TTC6: variants seen among roughly 807,000 people sequenced by gnomAD.
The protein encoded by TTC6 is tetratricopeptide repeat domain 6, also known as tetratricopeptide repeat protein 6.
TTC6 carries 172 observed loss-of-function variants against 210.4 expected under a neutral mutation model. The observed-to-expected ratio is 0.82, with a 90% CI of 0.72 to 0.93. The LOEUF (loss-of-function observed/expected upper bound fraction) is 0.93, where lower values mean the gene tolerates loss of function less well. Ranked by LOEUF, TTC6 falls within the 40% of genes least tolerant of loss-of-function variation. The pLI, the probability that TTC6 is intolerant of heterozygous loss-of-function variation, is 0.00. For missense variants in TTC6, 2,414 were observed against 2,318.1 expected (o/e 1.04, Z -0.85); for synonymous variants, 804 against 819.6 (o/e 0.98, Z 0.32).
At chr14:37,751,000 C>T in intron 12 of TTC6, 53 bp from the exon 15 acceptor site, 3 of 1,226,050 alleles carry the variant, frequency 2.4e-6, no homozygotes, top group Non-Finnish European at 3.2e-6. Context: ...TTAAAATTTT[C>T]ATAGGAATGA....
chr14:37,668,585 C>T (rs2095752637), intron 1 of TTC6, among the ~76,000 whole-genome samples: 1 of 135,534 alleles, frequency 7.4e-6, no homozygotes, highest in Admixed American at 7.1e-5. Flanking sequence ...CGCATCGTTA[C>T]TTTTGGCCCA....
chr14:37,732,082 T>A (rs2095887701), intron 7 of TTC6, among the ~76,000 whole-genome samples: 1 of 151,830 alleles, frequency 6.6e-6, no homozygotes, highest in Non-Finnish European at 1.5e-5. Context: ...TCCAAAAACT[T>A]AACTACAAAT....
chr14:37,789,010 A>G (rs1302138840), intron 15 of TTC6, among the ~76,000 whole-genome samples: 3 of 152,128 alleles, frequency 2.0e-5, no homozygotes, highest in Non-Finnish European at 4.4e-5. Flanking sequence ...CAATAATTGA[A>G]CAAAATTCCT....
rs773986576 is a variant in TTC6 at position 37,796,957 on chromosome 14, C to T, written c.4029+10C>T. On this transcript the variant is annotated intron_variant, in intron 20 of 30. Transcript: ENST00000553443. ...GGCCAAGAGAACCAAGGTGAAAAGT[C>T]CTCTGAGTAATGTTTACTAAACCTA... 1.3e-6 allele frequency: 2 copies of T among 1,582,938 alleles called. No homozygotes were observed. Among genetic ancestry groups the T allele is most frequent in the Non-Finnish European group, 1.7e-6 (2 of 1,166,244 alleles).
intron 29 of TTC6, among the ~76,000 whole-genome samples, chr14:37,830,748 A>G (rs1333780124): frequency 1.9e-5 from 1 of 51,504 alleles, no homozygotes; most frequent in Non-Finnish European, 1.3e-4. Flanking sequence ...TTTCTAAAAT[A>G]GATTTTTTTA....
At chr14:37,732,767 G>T (rs776311762) in intron 7 of TTC6, among the ~76,000 whole-genome samples, 1 of 140,314 alleles carries the variant, frequency 7.1e-6, no homozygotes, top group African/African-American at 2.5e-5. Flanking sequence ...ACAGGCGCCC[G>T]CCACCACGCC....
upstream of TTC6, chr14:37,622,012 C>T: frequency 1.5e-6 from 2 of 1,306,704 alleles, no homozygotes; most frequent in Non-Finnish European, 2.0e-6. Flanking sequence ...TATATACGCA[C>T]ACAACATATG....
intron 18 of TTC6, 147 bp from the exon 21 acceptor site, chr14:37,796,147 A>AT (rs2096092184): frequency 2.7e-6 from 1 of 375,154 alleles, no homozygotes; most frequent in Non-Finnish European, 4.9e-6. Context: ...AGTTTATATA[A>AT]AATGTCTATA....
chr14:37,750,355 A>G (rs2095948103), intron 12 of TTC6, among the ~76,000 whole-genome samples: 1 of 152,196 alleles, frequency 6.6e-6, no homozygotes, highest in South Asian at 2.1e-4. Context: ...CCATAAAATA[A>G]AACATGAGCT....
intron 1 of TTC6, among the ~76,000 whole-genome samples, chr14:37,625,672 G>C (rs2095659130): frequency 6.6e-6 from 1 of 152,054 alleles, no homozygotes; most frequent in African/African-American, 2.4e-5. Flanking sequence ...TTATGTAAAT[G>C]ATGTTCTTTC....
intron 15 of TTC6, among the ~76,000 whole-genome samples, chr14:37,788,178 C>A (rs1024755218): frequency 1.3e-5 from 2 of 152,072 alleles, no homozygotes; most frequent in Admixed American, 6.6e-5. Flanking sequence ...CTAAAAATGG[C>A]CATTTCTGTG....
At chr14:37,641,469 C>G (rs1229713745) in intron 1 of TTC6, among the ~76,000 whole-genome samples, 1 of 152,128 alleles carries the variant, frequency 6.6e-6, no homozygotes, top group African/African-American at 2.4e-5. Context: ...AGCACATTTT[C>G]TAGTTGTGTT....
At position 37,807,747 on chromosome 14, in the gene TTC6, G is replaced by T. The variant is rs148347285; in HGVS notation, c.4455+287G>T. 6.7e-3 allele frequency among the ~76,000 whole-genome samples: 1,020 copies of T among 152,028 alleles called. 5 individuals are homozygous for T. Among genetic ancestry groups the T allele is most frequent in the African/African-American group, 0.023 (936 of 41,458 alleles). ...TGGAAAAATATGGAAGGGAATAAAG[G>T]ATTATTATCTCACCATCAATGATAA... On this transcript the variant is annotated intron_variant, in intron 23 of 30. Transcript: ENST00000553443.
intron 1 of TTC6, among the ~76,000 whole-genome samples, chr14:37,627,044 C>A (rs1373174358): frequency 6.6e-6 from 1 of 152,104 alleles, no homozygotes; most frequent in Non-Finnish European, 1.5e-5. Context: ...GCTCTCTTTG[C>A]AACTGTGGGA....
chr14:37,754,821 G>A (rs1206685534), intron 14 of TTC6, among the ~76,000 whole-genome samples: 2 of 152,218 alleles, frequency 1.3e-5, no homozygotes, highest in East Asian at 3.9e-4. Flanking sequence ...TGGGCATTTG[G>A]GTTGGTTCCA....
chr14:37,698,510 A>G lies in TTC6; in HGVS notation c.1376+1675A>G, dbSNP rs929614781. 9.9e-5 allele frequency among the ~76,000 whole-genome samples: 15 copies of G among 152,170 alleles called. No individual in the cohort carries two copies. The East Asian group carries it at 2.3e-3, about 24-fold the overall frequency. ...ACACCTTTTTTTTCCCCTCTATTTT[A>G]AAAGCCCTTTGTTAGGAGCCCAGAG... is the stretch of plus-strand genomic sequence containing the variant. On this transcript the variant is annotated intron_variant, in intron 4 of 30. Transcript: ENST00000553443.
At chr14:37,699,946 A>G (rs2095821765) in intron 4 of TTC6, among the ~76,000 whole-genome samples, 1 of 152,176 alleles carries the variant, frequency 6.6e-6, no homozygotes, top group Admixed American at 6.5e-5. Flanking sequence ...TGGAGAAGGA[A>G]AACCAATGGC....
chr14:37,773,217 G>T (rs1376675100), intron 14 of TTC6, among the ~76,000 whole-genome samples: 1 of 152,156 alleles, frequency 6.6e-6, no homozygotes, highest in African/African-American at 2.4e-5. Context: ...TCAGTAGGTT[G>T]TCTGTTTACT....
rs556777882 is a variant in TTC6, at chr14:37,804,948, A to G, written c.4164+134A>G. ...CTGCTTATGAAGCTTGGCTTGTTAT[A>G]GTCATTCTGCACCCTGCAACACCTA... On this transcript the variant is annotated intron_variant, in intron 21 of 30. Coordinates refer to ENST00000553443, the Ensembl canonical transcript of TTC6. 4.2e-5 allele frequency: 37 copies of G among 876,854 alleles called. No individual in the cohort carries two copies. In the East Asian group the frequency reaches 8.6e-4, roughly 20 times the overall value. 54.3% of individuals were successfully genotyped at this position (876,854 alleles called of 1,614,324 possible).
Sources: gnomAD v4.1 joint callset for allele counts (sites outside exome capture counted in the v4.1 genomes callset) on GRCh38, gnomAD v4.1.1 for gene constraint, MANE v1.5 for transcripts, NCBI Gene and HGNC (gene_info 2026-07-23, HGNC 2026-07-21) for gene names.